Variants in PCSK6 observed in about 807,000 individuals in gnomAD.
PCSK6 encodes proprotein convertase subtilisin/kexin type 6.
A neutral mutation model predicts 123.3 loss-of-function variants in PCSK6; 85 were observed. The ratio of observed to expected loss-of-function variants is 0.69; its 90% CI spans 0.58 to 0.83. The LOEUF is 0.83. PCSK6 is among the 40% of genes least tolerant of loss of function. The pLI is 0.00. For missense variants in PCSK6, 1,191 were observed against 1,282.3 expected, an observed-to-expected ratio of 0.93 and a Z score of 1.09; for synonymous variants, 508 against 516.0, an observed-to-expected ratio of 0.98 and a Z score of 0.21.
Position 101,415,571 on chromosome 15 carries a change from T to C in PCSK6, c.823+12321A>G, listed in dbSNP as rs536026326. ...GGGCTACCAGTTGCAATCCCTAATCTGATACAGATTTTTTTTACTCAATGA... is the reference window on the plus strand; with the variant it reads ...GGGCTACCAGTTGCAATCCCTAATCCGATACAGATTTTTTTTACTCAATGA... On this transcript the variant is annotated intron_variant, in intron 6 of 21. Coordinates refer to ENST00000611716, the MANE Select transcript of PCSK6 (RefSeq NM_002570.5). 1.3e-4 allele frequency among the ~76,000 whole-genome samples: 20 copies of C among 152,378 alleles called. No homozygotes were observed. In the East Asian group the frequency reaches 3.7e-3, roughly 28 times the overall value.
chr15:101,489,134 C>A (rs1479031064), intron 1 of PCSK6, among the ~76,000 whole-genome samples: 1 of 143,220 alleles, frequency 7.0e-6, no homozygotes, highest in Non-Finnish European at 1.5e-5. Context: ...GCCGGACCTG[C>A]GTGGGCGCCC....
intron 6 of PCSK6, among the ~76,000 whole-genome samples, chr15:101,424,893 G>C (rs1031903689): frequency 6.6e-6 from 1 of 152,344 alleles, no homozygotes; most frequent in Non-Finnish European, 1.5e-5. Context: ...AGCACATGCT[G>C]CATGTATAAT....
chr15:101,335,161 T>C (rs2040451200), intron 13 of PCSK6, among the ~76,000 whole-genome samples: 1 of 152,218 alleles, frequency 6.6e-6, no homozygotes, highest in Non-Finnish European at 1.5e-5. Flanking sequence ...AGTTTCACTA[T>C]GTTTCTCAGG....
At chr15:101,348,336 G>C (rs1024660120) in intron 13 of PCSK6, among the ~76,000 whole-genome samples, 1 of 152,282 alleles carries the variant, frequency 6.6e-6, no homozygotes, top group African/African-American at 2.4e-5. Flanking sequence ...GGCTGGGCCA[G>C]TCTGGGGAGA....
chr15:101,399,660 C>T (rs1338143066), intron 6 of PCSK6, among the ~76,000 whole-genome samples: 1 of 152,214 alleles, frequency 6.6e-6, no homozygotes, highest in Non-Finnish European at 1.5e-5. Flanking sequence ...CTGAGAAAAA[C>T]CTGGCATGAA....
At chr15:101,331,168 T>C (rs2040363442) in intron 15 of PCSK6, among the ~76,000 whole-genome samples, 1 of 152,232 alleles carries the variant, frequency 6.6e-6, no homozygotes, top group African/African-American at 2.4e-5. Context: ...AGCTGTGGTT[T>C]TGGCCGCCTT....
At chr15:101,326,743 T>C (rs1364364777) in intron 15 of PCSK6, among the ~76,000 whole-genome samples, 1 of 152,078 alleles carries the variant, frequency 6.6e-6, no homozygotes, top group East Asian at 1.9e-4. Flanking sequence ...CCAGGGTGGG[T>C]ACGCCACCCG....
chr15:101,392,593 CTTTTTT>C (rs10525638), intron 8 of PCSK6, among the ~76,000 whole-genome samples: 1 of 122,342 alleles, frequency 8.2e-6, no homozygotes, highest in African/African-American at 3.3e-5. Flanking sequence ...CTCCCTTCCT[CTTTTTT>C]TTTTTTTTTT....
chr15:101,488,119 C>T (rs1297649117), intron 1 of PCSK6, among the ~76,000 whole-genome samples: 2 of 152,166 alleles, frequency 1.3e-5, no homozygotes, highest in Non-Finnish European at 2.9e-5. Flanking sequence ...GAACTAATGT[C>T]ATTTCTATCA....
chr15:101,432,734 AT>A (rs1347738674), intron 2 of PCSK6, among the ~76,000 whole-genome samples: 1 of 152,250 alleles, frequency 6.6e-6, no homozygotes, highest in East Asian at 1.9e-4. Context: ...CCGATAAATT[AT>A]CTGGTGATCC....
rs144012030 is a variant in PCSK6 at position 101,365,281 on chromosome 15, T to A, written c.1858+915A>T. Among the ~76,000 whole-genome samples, 112 of 152,208 alleles carry A rather than the reference T, an allele frequency of 7.4e-4. No individual in the cohort carries two copies. In the East Asian group the frequency reaches 0.018, roughly 25 times the overall value. Reference sequence around the variant, plus strand: ...AGAGCACAAGCAACAGAAGAAAAAATAAATTGAATTTCATCATAATTTAAA... The same window carrying A: ...AGAGCACAAGCAACAGAAGAAAAAAAAAATTGAATTTCATCATAATTTAAA... On this transcript the variant is annotated intron_variant, in intron 13 of 21. Coordinates refer to ENST00000611716, the MANE Select transcript of PCSK6 (RefSeq NM_002570.5).
intron 13 of PCSK6, among the ~76,000 whole-genome samples, chr15:101,363,925 A>G (rs1298491090): frequency 1.3e-5 from 2 of 152,066 alleles, no homozygotes; most frequent in Admixed American, 6.6e-5. Flanking sequence ...GGCATGAGCC[A>G]CCGCGCCCAG....
At chr15:101,409,170 C>T (rs1235163194) in intron 6 of PCSK6, among the ~76,000 whole-genome samples, 2 of 152,214 alleles carry the variant, frequency 1.3e-5, no homozygotes, top group Admixed American at 1.3e-4. Flanking sequence ...TTCTGAAAAG[C>T]AGGGAGGCTG....
intron 11 of PCSK6, among the ~76,000 whole-genome samples, chr15:101,371,531 A>G (rs2141470860): frequency 6.6e-6 from 1 of 152,396 alleles, no homozygotes; most frequent in African/African-American, 2.4e-5. Context: ...ACAATGCTAA[A>G]TAACAGCAAT....
At chr15:101,416,247 G>A (rs1397691154) in intron 6 of PCSK6, among the ~76,000 whole-genome samples, 2 of 152,244 alleles carry the variant, frequency 1.3e-5, no homozygotes, top group African/African-American at 4.8e-5. Flanking sequence ...GGTGACTCTT[G>A]TTATGTTTTA....
chr15:101,348,174 G>GGCCC (rs57574980), intron 13 of PCSK6, among the ~76,000 whole-genome samples: 35,924 of 151,932 alleles, frequency 0.24, 4,493 homozygotes, highest in East Asian at 0.42. Context: ...GGGTCGGACC[G>GGCCC]GCCCCTGCGC....
chr15:101,457,313 C>G (rs888111719), intron 1 of PCSK6, among the ~76,000 whole-genome samples: 1 of 152,222 alleles, frequency 6.6e-6, no homozygotes, highest in Non-Finnish European at 1.5e-5. Flanking sequence ...TGAGCAAGTT[C>G]CTAAATTTCT....
At chr15:101,349,054 A>C (rs2040823414) in intron 13 of PCSK6, among the ~76,000 whole-genome samples, 1 of 152,202 alleles carries the variant, frequency 6.6e-6, no homozygotes, top group South Asian at 2.1e-4. Flanking sequence ...TCTTGGCTTC[A>C]ACTTTCAGGT....
chr15:101,403,339 T>A (rs968991138), intron 6 of PCSK6, among the ~76,000 whole-genome samples: 12 of 150,320 alleles, frequency 8.0e-5, no homozygotes, highest in African/African-American at 1.2e-4. Flanking sequence ...AGTTAATGGG[T>A]GCAGCACACC....
Sources: allele counts gnomAD v4.1 joint callset (sites outside exome capture counted in the v4.1 genomes callset), GRCh38; gene constraint gnomAD v4.1.1; transcripts MANE v1.5; gene names NCBI Gene and HGNC (gene_info 2026-07-23, HGNC 2026-07-21).